Variants in CRYBB2 observed in about 807,000 individuals in gnomAD.
The protein encoded by CRYBB2 is crystallin beta B2.
In CRYBB2, 12 loss-of-function variants were observed where a neutral mutation model predicts 24.3. The ratio of observed to expected loss-of-function variants is 0.49; its 90% CI spans 0.32 to 0.80. The LOEUF (loss-of-function observed/expected upper bound fraction) is 0.80, where lower values mean the gene tolerates loss of function less well. Among genes scored for constraint, CRYBB2 ranks in the 30% least tolerant of loss-of-function variants. The probability of loss-of-function intolerance (pLI) is 0.04; values close to 1 mark genes in which losing one functional copy is unlikely to be tolerated. For synonymous variants in CRYBB2, 98 were observed against 101.6 expected, an observed-to-expected ratio of 0.96 and a Z score of 0.21; for missense variants, 198 against 268.5, an observed-to-expected ratio of 0.74 and a Z score of 1.83.
At chr22:25,221,271 C>T in intron 1 of CRYBB2, 133 bp from the exon 2 acceptor site, 1 of 684,122 alleles carries the variant, frequency 1.5e-6, no homozygotes, top group South Asian at 1.5e-5. Context: ...ACGGACCCCA[C>T]AGCTCTGGGA....
chr22:25,228,033 A>T, intron 4 of CRYBB2, 48 bp downstream of exon 4: 1 of 1,612,830 alleles, frequency 6.2e-7, no homozygotes, highest in South Asian at 1.1e-5. Context: ...CCATCATCCT[A>T]CTTTCTCTCT....
chr22:25,228,691 G>A (rs1315156343), intron 4 of CRYBB2, among the ~76,000 whole-genome samples: 1 of 152,246 alleles, frequency 6.6e-6, no homozygotes, highest in African/African-American at 2.4e-5. Flanking sequence ...CCAGCTGTGT[G>A]GCCTTGAGCA....
In CRYBB2 at chr22:25,231,848, A is replaced by T; in HGVS notation, c.*76A>T. 2.1e-6 allele frequency: 3 copies of T among 1,400,206 alleles called. No individual in the cohort carries two copies. Among genetic ancestry groups the T allele is most frequent in the Non-Finnish European group, 3.0e-6 (3 of 987,022 alleles). The allele number at this position is 1,400,206 out of a possible 1,614,324, so 86.7% of individuals were successfully genotyped here. A position where few individuals can be genotyped will look rare whatever the true frequency, so the allele number is the denominator to read the frequency against. On this transcript the variant is annotated 3_prime_UTR_variant, in exon 6 of 6. Coordinates refer to ENST00000398215, the MANE Select transcript of CRYBB2 (RefSeq NM_000496.3). ...ACCCTCCAGACCTCCCAGAGAGTGA[A>T]TAAAGTGTGACTTGCAACTTGTCTG...
chr22:25,218,875 C>T (rs1935273878), upstream of CRYBB2, among the ~76,000 whole-genome samples: 1 of 142,018 alleles, frequency 7.0e-6, no homozygotes, highest in South Asian at 2.3e-4. Context: ...GAGAAACAGC[C>T]AGGGGCCTTG....
chr22:25,230,101 G>GATGAGC (rs1246614815), intron 5 of CRYBB2, among the ~76,000 whole-genome samples: 1 of 151,908 alleles, frequency 6.6e-6, no homozygotes, highest in African/African-American at 2.4e-5. Context: ...GGGGTCCACA[G>GATGAGC]ATGAGCTTTG....
In CRYBB2 at chr22:25,221,525, C is replaced by T. The variant is rs1277163274; in HGVS notation, c.54+42C>T. The T allele has an allele frequency of 3.3e-6, 5 of 1,495,438 alleles. No individual in the cohort carries two copies. In the South Asian group the frequency reaches 5.6e-5, roughly 17 times the overall value. 92.6% of individuals were successfully genotyped at this position (1,495,438 alleles called of 1,614,324 possible). A position where few individuals can be genotyped will look rare whatever the true frequency, so the allele number is the denominator to read the frequency against. ...GGAGGGGGCATGCAATGCTCCTCCC[C>T]CAGACTTAGTTGCCCTTCTGTAAAA... On this transcript the variant is annotated intron_variant, in intron 2 of 5. Coordinates refer to ENST00000398215, the MANE Select transcript of CRYBB2 (RefSeq NM_000496.3).
At chr22:25,220,477 C>G (rs56286641) in intron 1 of CRYBB2, among the ~76,000 whole-genome samples, 1,864 of 152,330 alleles carry the variant, frequency 0.012, 43 homozygotes, top group African/African-American at 0.043. Context: ...GGCAGGACCT[C>G]AGGCACTCTG....
At chr22:25,218,836 A>AAGAAAGAAAGAAAGAG (rs1569016534), upstream of CRYBB2, among the ~76,000 whole-genome samples, 13 of 96,792 alleles carry the variant, frequency 1.3e-4, no homozygotes, top group Non-Finnish European at 2.3e-4. Flanking sequence ...GAAAGAAAGA[A>AAGAAAGAAAGAAAGAG]AGAGAAAGAA....
At chr22:25,220,878 A>G (rs528486568) in intron 1 of CRYBB2, among the ~76,000 whole-genome samples, 1 of 152,294 alleles carries the variant, frequency 6.6e-6, no homozygotes, top group South Asian at 2.1e-4. Flanking sequence ...CCAGTGGCAG[A>G]GAAGAGAAAT....
At chr22:25,225,285 G>A (rs1164130168) in intron 3 of CRYBB2, among the ~76,000 whole-genome samples, 1 of 152,170 alleles carries the variant, frequency 6.6e-6, no homozygotes, top group Non-Finnish European at 1.5e-5. Flanking sequence ...CTCCTCTGTA[G>A]GATGAGGCTA....
At chr22:25,224,627 C>A (rs1382690508) in intron 2 of CRYBB2, among the ~76,000 whole-genome samples, 1 of 152,148 alleles carries the variant, frequency 6.6e-6, no homozygotes, top group African/African-American at 2.4e-5. Flanking sequence ...CCTCAGCCTC[C>A]CAAAATGCTG....
intron 1 of CRYBB2, among the ~76,000 whole-genome samples, chr22:25,214,036 C>G (rs1935137259): frequency 6.6e-6 from 1 of 152,182 alleles, no homozygotes; most frequent in Non-Finnish European, 1.5e-5. Context: ...ACCCAGGTCA[C>G]ATCAAAAGCC....
At chr22:25,221,073 T>C (rs909912637) in intron 1 of CRYBB2, among the ~76,000 whole-genome samples, 2 of 152,236 alleles carry the variant, frequency 1.3e-5, no homozygotes, top group African/African-American at 2.4e-5. Context: ...AGTTCTGGGA[T>C]TGACCATTCT....
intron 3 of CRYBB2, among the ~76,000 whole-genome samples, chr22:25,227,621 T>G (rs545908356): frequency 1.1e-4 from 16 of 146,068 alleles, no homozygotes; most frequent in African/African-American, 3.3e-4. Context: ...TTAGACTGCC[T>G]TCTTATTTCT....
intron 3 of CRYBB2, among the ~76,000 whole-genome samples, chr22:25,226,168 CTGTGTGTGTGTGTG>C (rs3064285): frequency 1.3e-3 from 192 of 149,154 alleles, no homozygotes; most frequent in Middle Eastern, 3.5e-3. Flanking sequence ...TTGGATTTCT[CTGTGTGTGTGTGTG>C]TGTGTGTGTG....
At chr22:25,225,095 GAGTGGGGGA>G in intron 3 of CRYBB2, 59 bp downstream of exon 3, 1 of 937,922 alleles carries the variant, frequency 1.1e-6, no homozygotes, top group Non-Finnish European at 1.8e-6. Flanking sequence ...TCAAGTTGTG[GAGTGGGGGA>G]ATCTACCCTT....
intron 5 of CRYBB2, among the ~76,000 whole-genome samples, chr22:25,230,155 T>TGA (rs1491254100): frequency 1.2e-4 from 5 of 42,304 alleles, no homozygotes; most frequent in Middle Eastern, 0.014. Flanking sequence ...TTGTAAGAAC[T>TGA]TTTTTTTTTT....
chr22:25,231,300 T>C (rs1344769645), intron 5 of CRYBB2, among the ~76,000 whole-genome samples: 1 of 148,778 alleles, frequency 6.7e-6, no homozygotes, highest in East Asian at 2.0e-4. Context: ...GAGCTTAAGA[T>C]ATCACCCCCT....
At position 25,226,349 on chromosome 22, in the gene CRYBB2, G is replaced by C. The variant is rs541932993; in HGVS notation, c.173+1313G>C. Among the ~76,000 whole-genome samples the C allele has an allele frequency of 4.6e-5, 7 of 152,280 alleles. No homozygotes were observed. The East Asian group carries it at 9.7e-4, about 21-fold the overall frequency. The stretch of plus-strand genomic sequence containing the variant: ...TTTCAAAGTAGTTTGAGGAAAATTA[G>C]CATCAGATTCACAGAAGGGAGATGC... On this transcript the variant is annotated intron_variant, in intron 3 of 5. Transcript: ENST00000398215.
Sources: gnomAD v4.1 joint callset for allele counts (sites outside exome capture counted in the v4.1 genomes callset) on GRCh38, gnomAD v4.1.1 for gene constraint, MANE v1.5 for transcripts, NCBI Gene and HGNC (gene_info 2026-07-23, HGNC 2026-07-21) for gene names.